PAX2: variants seen among roughly 807,000 people sequenced by gnomAD.
PAX2 encodes the protein paired box protein Pax-2.
In PAX2, 9 loss-of-function variants were observed where a neutral mutation model predicts 41.7. The observed-to-expected ratio is 0.22, with a 90% CI of 0.13 to 0.38. The LOEUF (loss-of-function observed/expected upper bound fraction) is 0.38. PAX2 is among the 10% of genes least tolerant of loss of function. The pLI is 1.00. For synonymous variants in PAX2, 221 were observed against 212.7 expected, an observed-to-expected ratio of 1.04 and a Z score of -0.34; for missense variants, 418 against 531.6, an observed-to-expected ratio of 0.79 and a Z score of 2.10.
intron 3 of PAX2, among the ~76,000 whole-genome samples, chr10:100,756,817 GGT>G (rs1845654036): frequency 6.6e-6 from 1 of 152,136 alleles, no homozygotes; most frequent in Non-Finnish European, 1.5e-5. Flanking sequence ...CTCCAAGCCA[GGT>G]GTCCAGAGCT....
chr10:100,805,643 C>T (rs1847753696), intron 5 of PAX2, among the ~76,000 whole-genome samples: 1 of 152,194 alleles, frequency 6.6e-6, no homozygotes, highest in Non-Finnish European at 1.5e-5. Context: ...GACTCTGCTC[C>T]CTCTGGAGAC....
At position 100,749,846 on chromosome 10, in the gene PAX2, T is replaced by C. The variant is rs776629346; in HGVS notation, c.144T>C (p.Gly48=). 13 of 1,611,580 alleles carry C rather than the reference T, an allele frequency of 8.1e-6. No individual in the cohort carries two copies. Among genetic ancestry groups the C allele is most frequent in the African/African-American group, 2.7e-5 (2 of 74,848 alleles). Residue 48 remains glycine, a synonymous_variant, in exon 2 of 10, where the codon GGT becomes GGC. Transcript: ENST00000355243. ...RQRIVELAHQ[G]VRPCDISRQL... ...GCATCGTGGAGCTGGCCCACCAGGG[T>C]GTGCGGCCCTGTGACATCTCCCGGC...
At chr10:100,754,352 A>G (rs2133844192) in intron 3 of PAX2, among the ~76,000 whole-genome samples, 1 of 152,290 alleles carries the variant, frequency 6.6e-6, no homozygotes, top group South Asian at 2.1e-4. Flanking sequence ...AAGAGCTGAC[A>G]ATAAGGGTGT....
At chr10:100,739,444 G>A (rs1027841898) in intron 1 of PAX2, among the ~76,000 whole-genome samples, 9 of 152,346 alleles carry the variant, frequency 5.9e-5, no homozygotes, top group Admixed American at 5.9e-4. Flanking sequence ...AGGAAAGGCG[G>A]GCGCGCCGCG....
intron 4 of PAX2, 43 bp downstream of exon 4, chr10:100,779,626 G>T: frequency 6.9e-7 from 1 of 1,456,942 alleles, no homozygotes; most frequent in South Asian, 1.2e-5. Context: ...ATCCCACCTA[G>T]AGAAAGGCAG....
At chr10:100,808,090 A>G (rs1021654013) in intron 6 of PAX2, among the ~76,000 whole-genome samples, 2 of 152,228 alleles carry the variant, frequency 1.3e-5, no homozygotes, top group African/African-American at 4.8e-5. Flanking sequence ...ACACCAGCAC[A>G]GTCATTTTTC....
At chr10:100,820,363 T>C (rs1435461587) in intron 7 of PAX2, among the ~76,000 whole-genome samples, 1 of 152,236 alleles carries the variant, frequency 6.6e-6, no homozygotes, top group Non-Finnish European at 1.5e-5. Context: ...TGTGCCTTCA[T>C]TGTCTCACCC....
chr10:100,750,633 G>C lies in PAX2; in HGVS notation c.213-61G>C. Reference sequence around the variant, plus strand: ...GAGTGGCTCAGCAGCTCTGGAACCTGCAGCCCCCCTGCCCCGCCACAGTCC... The same window carrying C: ...GAGTGGCTCAGCAGCTCTGGAACCTCCAGCCCCCCTGCCCCGCCACAGTCC... On this transcript the variant is annotated intron_variant, in intron 2 of 9. Transcript: ENST00000355243. The surrounding 1 kb of genome is among the most constrained non-coding windows in gnomAD (Gnocchi z 4.1). 6.9e-7 allele frequency: 1 copy of C among 1,457,588 alleles called. No homozygotes were observed. The highest frequency in any genetic ancestry group is 2.3e-5 in the East Asian group (1 of 43,454). 90.3% of individuals were successfully genotyped at this position (1,457,588 alleles called of 1,614,324 possible). A position where few individuals can be genotyped will look rare whatever the true frequency, so the allele number is the denominator to read the frequency against.
At chr10:100,801,116 G>A (rs945097616) in intron 5 of PAX2, among the ~76,000 whole-genome samples, 5 of 152,100 alleles carry the variant, frequency 3.3e-5, no homozygotes, top group Admixed American at 6.5e-5. Context: ...CACTCTGTCC[G>A]TCTATTTAGT....
intron 7 of PAX2, among the ~76,000 whole-genome samples, chr10:100,818,327 T>C (rs566607524): frequency 1.3e-5 from 2 of 152,240 alleles, no homozygotes; most frequent in Non-Finnish European, 2.9e-5. Flanking sequence ...TGGCTTCCTT[T>C]TTATTTCCTT....
intron 3 of PAX2, among the ~76,000 whole-genome samples, chr10:100,758,061 T>G (rs965089235): frequency 6.6e-6 from 1 of 151,894 alleles, no homozygotes; most frequent in African/African-American, 2.4e-5. Flanking sequence ...GATAATGTAA[T>G]GAGAACAGAT....
rs991876192 is a variant in PAX2 at position 100,754,308 on chromosome 10, G to A, written c.410+3417G>A. ...GCACAGACCCCAAATAGAGTCTGGG[G>A]TTACTGACAATCCCCCGAGGGTGCT... On this transcript the variant is annotated intron_variant, in intron 3 of 9. Coordinates refer to ENST00000355243, the MANE Select transcript of PAX2 (RefSeq NM_000278.5). Among the ~76,000 whole-genome samples, 4 of 152,328 alleles carry A rather than the reference G, an allele frequency of 2.6e-5. No homozygotes were observed. In the East Asian group the frequency reaches 7.7e-4, roughly 29 times the overall value.
intron 5 of PAX2, chr10:100,786,821 C>T (rs934981165): frequency 2.6e-5 from 14 of 536,524 alleles, no homozygotes; most frequent in African/African-American, 1.9e-4. Context: ...AATTGCAGCT[C>T]AGAACCCTTG....
At chr10:100,821,111 G>C (rs1376275855) in intron 7 of PAX2, among the ~76,000 whole-genome samples, 2 of 152,186 alleles carry the variant, frequency 1.3e-5, no homozygotes, top group Non-Finnish European at 2.9e-5. Context: ...CACTAAAAGA[G>C]GCTTGCTCAA....
intron 7 of PAX2, among the ~76,000 whole-genome samples, chr10:100,822,489 G>A (rs1848406766): frequency 6.6e-6 from 1 of 152,182 alleles, no homozygotes; most frequent in African/African-American, 2.4e-5. Context: ...TGTTTATTGA[G>A]CATCTACCAC....
At chr10:100,736,782 T>C (rs1844788254) in intron 1 of PAX2, among the ~76,000 whole-genome samples, 1 of 152,204 alleles carries the variant, frequency 6.6e-6, no homozygotes, top group Admixed American at 6.5e-5. Flanking sequence ...TTTAGGGCTC[T>C]GGGCAGACCC....
chr10:100,814,351 C>CTAAA (rs753999760), intron 7 of PAX2, among the ~76,000 whole-genome samples: 1 of 53,728 alleles, frequency 1.9e-5, no homozygotes, highest in Non-Finnish European at 3.0e-5. Context: ...GACTCCATCT[C>CTAAA]AAAAAAAAAA....
chr10:100,788,795 T>C (rs1485434724), intron 5 of PAX2, among the ~76,000 whole-genome samples: 1 of 152,088 alleles, frequency 6.6e-6, no homozygotes, highest in Non-Finnish European at 1.5e-5. Flanking sequence ...GGTTGCACCA[T>C]ATTGGGTAAA....
chr10:100,808,926 G>C (rs1175559193), intron 6 of PAX2, among the ~76,000 whole-genome samples, 184 bp from the exon 7 acceptor site: 1 of 152,196 alleles, frequency 6.6e-6, no homozygotes, highest in Non-Finnish European at 1.5e-5. Context: ...GTTTCACCAA[G>C]TCAGGTCTAC....
Sources: allele counts gnomAD v4.1 joint callset (sites outside exome capture counted in the v4.1 genomes callset), GRCh38; gene constraint gnomAD v4.1.1; non-coding constraint Gnocchi (gnomAD v3.1); transcripts MANE v1.5; gene names NCBI Gene and HGNC (gene_info 2026-07-23, HGNC 2026-07-21).